Variants in MBNL1 observed in about 807,000 individuals in gnomAD.
The protein encoded by MBNL1 is muscleblind-like protein 1.
MBNL1 carries 8 observed loss-of-function variants against 42.2 expected under a neutral mutation model. The ratio of observed to expected loss-of-function variants is 0.19; its 90% CI spans 0.11 to 0.34. MBNL1 has a LOEUF of 0.34. MBNL1 is among the 10% of genes least tolerant of loss of function. The probability of loss-of-function intolerance (pLI) is 1.00; values close to 1 mark genes in which losing one functional copy is unlikely to be tolerated. For missense variants in MBNL1, 309 were observed against 495.3 expected, an observed-to-expected ratio of 0.62 and a Z score of 3.57; for synonymous variants, 169 against 173.9, an observed-to-expected ratio of 0.97 and a Z score of 0.22.
At chr3:152,337,180 A>C (rs1310861176) in intron 2 of MBNL1, among the ~76,000 whole-genome samples, 1 of 152,166 alleles carries the variant, frequency 6.6e-6, no homozygotes, top group African/African-American at 2.4e-5. Context: ...TGGGCTCCTT[A>C]AGGTGAGTTC....
intron 1 of MBNL1, among the ~76,000 whole-genome samples, chr3:152,270,798 T>C (rs1325952298): frequency 6.6e-6 from 1 of 152,054 alleles, no homozygotes; most frequent in African/African-American, 2.4e-5. Flanking sequence ...GGAGTTACTT[T>C]ATTATTATTA....
At chr3:152,409,165 A>G (rs1264243847) in intron 2 of MBNL1, among the ~76,000 whole-genome samples, 1 of 152,228 alleles carries the variant, frequency 6.6e-6, no homozygotes, top group African/African-American at 2.4e-5. Flanking sequence ...TGAAGTATAT[A>G]TGTGTGCATG....
intron 3 of MBNL1, among the ~76,000 whole-genome samples, chr3:152,415,807 A>G (rs1056015148): frequency 2.6e-5 from 4 of 152,182 alleles, no homozygotes; most frequent in African/African-American, 4.8e-5. Flanking sequence ...ACACATTTCT[A>G]TTTAACTGTT....
chr3:152,290,359 A>T (rs1380474344), intron 1 of MBNL1, among the ~76,000 whole-genome samples: 1 of 151,896 alleles, frequency 6.6e-6, no homozygotes, highest in Admixed American at 6.6e-5. Flanking sequence ...AATTTATCCT[A>T]CTTGAGTCTG....
At chr3:152,394,135 G>A (rs1053678824) in intron 2 of MBNL1, among the ~76,000 whole-genome samples, 5 of 152,208 alleles carry the variant, frequency 3.3e-5, no homozygotes, top group African/African-American at 1.2e-4. Flanking sequence ...GAATCTCTGA[G>A]ACAGCAGTAA....
intron 1 of MBNL1, among the ~76,000 whole-genome samples, chr3:152,298,307 T>C (rs2059468808): frequency 6.6e-6 from 1 of 152,078 alleles, no homozygotes; most frequent in South Asian, 2.1e-4. Flanking sequence ...AGAAGAAAAA[T>C]CCTGATAGAA....
intron 1 of MBNL1, among the ~76,000 whole-genome samples, chr3:152,297,315 C>CA (rs2059005145): frequency 7.2e-6 from 1 of 139,798 alleles, no homozygotes; most frequent in Admixed American, 7.3e-5. Flanking sequence ...TTTTGAAAAC[C>CA]AAAATATTTC....
At chr3:152,268,506 T>A (rs971836223), upstream of MBNL1, 1 of 333,778 alleles carries the variant, frequency 3.0e-6, no homozygotes, top group African/African-American at 2.3e-5. Flanking sequence ...CAAGGGCCTC[T>A]TTCAAAATGA....
At chr3:152,299,326 C>T (rs2059888131) in intron 1 of MBNL1, 79 bp from the exon 2 acceptor site, 2 of 179,294 alleles carry the variant, frequency 1.1e-5, no homozygotes, top group South Asian at 3.9e-4. Context: ...AGTCTGGTAT[C>T]ACATGGCAAG....
intron 2 of MBNL1, chr3:152,338,491 G>T: frequency 1.0e-5 from 10 of 985,356 alleles, no homozygotes; most frequent in Non-Finnish European, 1.2e-5. Context: ...CCAAGCTTTG[G>T]CTGTGGCTCA....
chr3:152,269,963 A>G (rs991968795), intron 1 of MBNL1, among the ~76,000 whole-genome samples: 5 of 136,710 alleles, frequency 3.7e-5, no homozygotes, highest in Non-Finnish European at 7.7e-5. Context: ...ATTGGTAGTA[A>G]TGTGTCATGT....
upstream of MBNL1, chr3:152,268,851 G>C (rs1462335711): frequency 6.6e-6 from 3 of 453,378 alleles, no homozygotes; most frequent in African/African-American, 6.0e-5. Context: ...TGGTGGGGCT[G>C]GGCGGGCGGG....
At chr3:152,259,312 T>A (rs1281489653) in intron 2 of MBNL1, among the ~76,000 whole-genome samples, 1 of 152,136 alleles carries the variant, frequency 6.6e-6, no homozygotes, top group Non-Finnish European at 1.5e-5. Flanking sequence ...ATCTTTATAG[T>A]AGTAACTTGA....
chr3:152,381,943 G>A (rs1419263961), intron 2 of MBNL1, among the ~76,000 whole-genome samples: 1 of 152,040 alleles, frequency 6.6e-6, no homozygotes, highest in African/African-American at 2.4e-5. Flanking sequence ...ATATTAACCT[G>A]CTTCAGTGCA....
intron 4 of MBNL1, among the ~76,000 whole-genome samples, chr3:152,438,788 A>G (rs2099110975): frequency 6.6e-6 from 1 of 152,236 alleles, no homozygotes; most frequent in Non-Finnish European, 1.5e-5. Flanking sequence ...TGTAAATGAT[A>G]TGGTTTTTTG....
chr3:152,357,892 TG>T (rs775002273), intron 2 of MBNL1, among the ~76,000 whole-genome samples: 14 of 152,194 alleles, frequency 9.2e-5, no homozygotes, highest in Admixed American at 3.3e-4. Flanking sequence ...AGGACATGGA[TG>T]GTGGCAGAGA....
intron 2 of MBNL1, among the ~76,000 whole-genome samples, chr3:152,247,807 G>A (rs2033479412): frequency 1.3e-5 from 2 of 151,388 alleles, no homozygotes; most frequent in East Asian, 1.9e-4. Flanking sequence ...AATATTATGG[G>A]GGAAAATACC....
At chr3:152,423,225 C>A (rs1384578074) in intron 3 of MBNL1, among the ~76,000 whole-genome samples, 2 of 152,006 alleles carry the variant, frequency 1.3e-5, no homozygotes, top group Non-Finnish European at 2.9e-5. Flanking sequence ...ATCAAATAGA[C>A]ACAATATAAA....
intron 2 of MBNL1, among the ~76,000 whole-genome samples, chr3:152,320,843 C>T (rs1020618993): frequency 2.6e-5 from 4 of 151,686 alleles, no homozygotes; most frequent in South Asian, 2.1e-4. Context: ...CAAGGACATA[C>T]GGTATTTGTC....
Sources: gnomAD v4.1 joint callset for allele counts (sites outside exome capture counted in the v4.1 genomes callset) on GRCh38, gnomAD v4.1.1 for gene constraint, MANE v1.5 for transcripts, NCBI Gene and HGNC (gene_info 2026-07-23, HGNC 2026-07-21) for gene names.